Variants in SYNCRIP observed in about 807,000 individuals in gnomAD.
SYNCRIP encodes the protein synaptotagmin binding cytoplasmic RNA interacting protein.
SYNCRIP carries 9 observed loss-of-function variants against 68.9 expected under a neutral mutation model. The observed-to-expected ratio is 0.13, with a 90% CI of 0.08 to 0.23. The LOEUF (loss-of-function observed/expected upper bound fraction) is 0.23, where lower values mean the gene tolerates loss of function less well. SYNCRIP is among the 10% of genes least tolerant of loss of function. SYNCRIP has a pLI of 1.00. For synonymous variants in SYNCRIP, 258 were observed against 254.0 expected, an observed-to-expected ratio of 1.02 and a Z score of -0.15; for missense variants, 414 against 770.6, an observed-to-expected ratio of 0.54 and a Z score of 5.48.
chr6:85,629,862 T>C (rs1807515627), intron 6 of SYNCRIP, among the ~76,000 whole-genome samples: 2 of 151,952 alleles, frequency 1.3e-5, no homozygotes, highest in South Asian at 4.2e-4. Flanking sequence ...CGGGCTCCTG[T>C]AGTCCCAGCT....
intron 7 of SYNCRIP, 81 bp from the exon 8 acceptor site, chr6:85,622,768 C>T (rs541381431): frequency 9.2e-7 from 1 of 1,082,366 alleles, no homozygotes; most frequent in African/African-American, 1.6e-5. Context: ...ATCTAAGATA[C>T]TACTTAAATA....
At chr6:85,621,607 TAA>T (rs34749230) in intron 8 of SYNCRIP, among the ~76,000 whole-genome samples, 2,155 of 124,712 alleles carry the variant, frequency 0.017, 53 homozygotes, top group African/African-American at 0.057. Context: ...CCCTGTCACT[TAA>T]AAAAAAAAAA....
At chr6:85,634,945 A>G (rs1808276683) in intron 6 of SYNCRIP, among the ~76,000 whole-genome samples, 1 of 152,158 alleles carries the variant, frequency 6.6e-6, no homozygotes, top group Non-Finnish European at 1.5e-5. Flanking sequence ...CAAGGCGGGC[A>G]GATTACTTGA....
intron 8 of SYNCRIP, among the ~76,000 whole-genome samples, chr6:85,621,744 CTAA>C (rs137922507): frequency 2.0e-5 from 3 of 152,134 alleles, no homozygotes; most frequent in Non-Finnish European, 4.4e-5. Flanking sequence ...GTCAGGATAC[CTAA>C]TAATGGCTAA....
At chr6:85,619,201 T>C in intron 9 of SYNCRIP, 67 bp downstream of exon 9, 3 of 1,582,934 alleles carry the variant, frequency 1.9e-6, no homozygotes, top group Non-Finnish European at 2.6e-6. Flanking sequence ...TGTAAAACTA[T>C]TTTGAGATTC....
downstream of SYNCRIP, chr6:85,609,051 T>C (rs1308594722): frequency 1.3e-5 from 2 of 151,960 alleles, no homozygotes; most frequent in African/African-American, 4.8e-5. Context: ...AGTCTGTTTC[T>C]TTTATGTATT....
chr6:85,608,021 G>A (rs1250094437), downstream of SYNCRIP: 1 of 152,030 alleles, frequency 6.6e-6, no homozygotes, highest in Non-Finnish European at 1.5e-5. Context: ...AAATATATTG[G>A]CAAGTCCCCG....
At chr6:85,626,656 T>C (rs1807070833) in intron 6 of SYNCRIP, among the ~76,000 whole-genome samples, 1 of 152,174 alleles carries the variant, frequency 6.6e-6, no homozygotes, top group African/African-American at 2.4e-5. Context: ...AATGGAAACA[T>C]TCCATCAAGG....
intron 7 of SYNCRIP, among the ~76,000 whole-genome samples, chr6:85,623,573 A>AC (rs1562087684): frequency 8.0e-5 from 12 of 149,518 alleles, no homozygotes; most frequent in South Asian, 4.2e-4. Context: ...AAAAAAAAAA[A>AC]AAAAAAAAAA....
chr6:85,638,848 C>G (rs974247), intron 4 of SYNCRIP, among the ~76,000 whole-genome samples: 2 of 152,106 alleles, frequency 1.3e-5, no homozygotes, highest in Non-Finnish European at 2.9e-5. Context: ...AAAGGAAAAA[C>G]TTATTCCCTC....
At chr6:85,630,137 G>A (rs1255831718) in intron 6 of SYNCRIP, among the ~76,000 whole-genome samples, 8 of 152,022 alleles carry the variant, frequency 5.3e-5, no homozygotes, top group South Asian at 2.1e-4. Flanking sequence ...TGAGACAGGC[G>A]GATCACGAGG....
At chr6:85,619,681 A>G (rs1469069309) in intron 8 of SYNCRIP, among the ~76,000 whole-genome samples, 1 of 152,264 alleles carries the variant, frequency 6.6e-6, no homozygotes, top group Non-Finnish European at 1.5e-5. Context: ...ATAATCTGTC[A>G]TTCGGAAACC....
upstream of SYNCRIP, chr6:85,643,103 A>G: frequency 7.6e-6 from 1 of 131,494 alleles, no homozygotes; most frequent in Non-Finnish European, 1.6e-5. Flanking sequence ...TACCACCACC[A>G]CCACCACTAG....
intron 8 of SYNCRIP, among the ~76,000 whole-genome samples, chr6:85,620,812 G>A (rs900707706): frequency 1.3e-5 from 2 of 152,142 alleles, no homozygotes; most frequent in Admixed American, 6.5e-5. Flanking sequence ...CTATGAAAAA[G>A]AAAATGCAGA....
intron 6 of SYNCRIP, among the ~76,000 whole-genome samples, chr6:85,628,055 T>G (rs1282379567): frequency 6.6e-6 from 1 of 152,056 alleles, no homozygotes. Flanking sequence ...CATTGAAGAT[T>G]TCTTTTTTTT....
chr6:85,629,260 T>C (rs577203515), intron 6 of SYNCRIP, among the ~76,000 whole-genome samples: 11 of 152,314 alleles, frequency 7.2e-5, no homozygotes, highest in African/African-American at 1.9e-4. Flanking sequence ...CAGTCTCCCT[T>C]CATCCTTCCT....
intron 4 of SYNCRIP, 141 bp from the exon 5 acceptor site, chr6:85,637,497 T>G (rs1284437573): frequency 1.7e-6 from 1 of 589,346 alleles, no homozygotes; most frequent in African/African-American, 1.9e-5. Flanking sequence ...ATGTCTGTTT[T>G]AAAATTTCCC....
intron 6 of SYNCRIP, among the ~76,000 whole-genome samples, chr6:85,635,662 G>A (rs912673017): frequency 2.7e-5 from 4 of 150,942 alleles, no homozygotes; most frequent in Admixed American, 6.6e-5. Context: ...CCCAGCTACC[G>A]GAGAGGCTGA....
At chr6:85,618,995 A>C in intron 9 of SYNCRIP, 56 bp from the exon 10 acceptor site, 1 of 1,528,274 alleles carries the variant, frequency 6.5e-7, no homozygotes, top group Non-Finnish European at 8.9e-7. Flanking sequence ...ATTATGATTC[A>C]TTTAAAGTTG....
Sources: allele counts gnomAD v4.1 joint callset (sites outside exome capture counted in the v4.1 genomes callset), GRCh38; gene constraint gnomAD v4.1.1; transcripts MANE v1.5; gene names NCBI Gene and HGNC (gene_info 2026-07-23, HGNC 2026-07-21).